The following ROR1 variants were observed in gnomAD, a reference collection of about 807,000 sequenced individuals.
ROR1 encodes the protein ROR family WNT receptor 1.
A neutral mutation model predicts 78.8 loss-of-function variants in ROR1; 19 were observed. That is an observed-to-expected ratio of 0.24 (90% CI 0.17 to 0.35). The LOEUF (loss-of-function observed/expected upper bound fraction) is 0.35, where lower values mean the gene tolerates loss of function less well. Among genes scored for constraint, ROR1 ranks in the 10% least tolerant of loss-of-function variants. ROR1 has a pLI of 1.00. For missense variants in ROR1, 917 were observed against 1,177.8 expected, an observed-to-expected ratio of 0.78 and a Z score of 3.24; for synonymous variants, 386 against 433.6, an observed-to-expected ratio of 0.89 and a Z score of 1.36.
At chr1:63,780,819 G>C (rs1312549572) in intron 1 of ROR1, among the ~76,000 whole-genome samples, 4 of 152,264 alleles carry the variant, frequency 2.6e-5, no homozygotes, top group African/African-American at 9.6e-5. Flanking sequence ...CCCCTCCCAG[G>C]TGCTTAGTGT....
chr1:63,784,729 T>C (rs934460893), intron 1 of ROR1, among the ~76,000 whole-genome samples: 4 of 152,178 alleles, frequency 2.6e-5, no homozygotes, highest in Non-Finnish European at 5.9e-5. Flanking sequence ...GGAGCCATAA[T>C]GGTGCCTACC....
At chr1:64,034,665 C>A (rs2100573752) in intron 2 of ROR1, among the ~76,000 whole-genome samples, 1 of 152,202 alleles carries the variant, frequency 6.6e-6, no homozygotes, top group East Asian at 1.9e-4. Context: ...AGGTAACTAC[C>A]AAGAAGTGCC....
At chr1:64,078,695 A>T (rs1409594914) in intron 4 of ROR1, among the ~76,000 whole-genome samples, 2 of 152,202 alleles carry the variant, frequency 1.3e-5, no homozygotes, top group African/African-American at 4.8e-5. Context: ...CCAAAGACAT[A>T]GACACATTCT....
intron 1 of ROR1, among the ~76,000 whole-genome samples, chr1:63,867,683 C>G (rs182814420): frequency 6.6e-6 from 1 of 152,158 alleles, no homozygotes; most frequent in African/African-American, 2.4e-5. Flanking sequence ...ATGCTGACCT[C>G]GCCGACGAAA....
intron 1 of ROR1, among the ~76,000 whole-genome samples, chr1:63,816,353 G>A (rs1644892154): frequency 6.6e-6 from 1 of 152,172 alleles, no homozygotes; most frequent in African/African-American, 2.4e-5. Flanking sequence ...ATAGGAGCAG[G>A]TCTTTCCCAT....
At chr1:63,878,301 T>G (rs1214558525) in intron 1 of ROR1, among the ~76,000 whole-genome samples, 1 of 152,222 alleles carries the variant, frequency 6.6e-6, no homozygotes, top group Non-Finnish European at 1.5e-5. Flanking sequence ...GCAAGCGTTT[T>G]TATATACCTT....
chr1:63,899,331 C>G (rs917630404), intron 1 of ROR1, among the ~76,000 whole-genome samples: 4 of 152,148 alleles, frequency 2.6e-5, no homozygotes, highest in African/African-American at 9.7e-5. Flanking sequence ...GACCACAAAC[C>G]CAGCACGTTG....
At chr1:63,949,577 C>A (rs138319030) in intron 1 of ROR1, among the ~76,000 whole-genome samples, 148 of 152,260 alleles carry the variant, frequency 9.7e-4, no homozygotes, top group African/African-American at 3.4e-3. Flanking sequence ...TTCCTTTTTA[C>A]GGGTGCTATT....
chr1:63,915,441 TG>T, intron 1 of ROR1, among the ~76,000 whole-genome samples: 1 of 151,848 alleles, frequency 6.6e-6, no homozygotes, highest in South Asian at 2.1e-4. Flanking sequence ...CCTTGAGGAG[TG>T]GGCAGGGTTT....
At chr1:64,038,518 G>A (rs377630465) in intron 2 of ROR1, among the ~76,000 whole-genome samples, 17 of 152,080 alleles carry the variant, frequency 1.1e-4, no homozygotes, top group African/African-American at 1.2e-4. Context: ...GACAGAGGCC[G>A]CATCACCTCT....
At chr1:64,024,010 C>G (rs768286219) in intron 2 of ROR1, among the ~76,000 whole-genome samples, 4 of 152,310 alleles carry the variant, frequency 2.6e-5, no homozygotes, top group African/African-American at 9.6e-5. Flanking sequence ...CAGTTCCTCT[C>G]TCTCTTTCTC....
chr1:63,822,013 A>G (rs970934360), intron 1 of ROR1, among the ~76,000 whole-genome samples: 5 of 152,176 alleles, frequency 3.3e-5, no homozygotes, highest in African/African-American at 9.7e-5. Context: ...TTTTCTTGTG[A>G]TGATAAAAGC....
intron 1 of ROR1, among the ~76,000 whole-genome samples, chr1:63,882,025 T>C (rs1233969193): frequency 5.3e-5 from 8 of 152,132 alleles, no homozygotes; most frequent in African/African-American, 1.9e-4. Flanking sequence ...GAGGGGATCA[T>C]ATAGGATACT....
intron 1 of ROR1, among the ~76,000 whole-genome samples, chr1:63,917,801 C>A (rs191584451): frequency 1.3e-5 from 2 of 152,208 alleles, no homozygotes; most frequent in Admixed American, 1.3e-4. Flanking sequence ...TGCCACCTGC[C>A]CCTGGTGGAG....
intron 1 of ROR1, among the ~76,000 whole-genome samples, chr1:63,776,733 T>C (rs1569684640): frequency 2.6e-5 from 4 of 152,306 alleles, no homozygotes; most frequent in African/African-American, 9.6e-5. Flanking sequence ...TTTCTGAGTA[T>C]AAAACAATAT....
intron 2 of ROR1, among the ~76,000 whole-genome samples, chr1:64,045,091 T>C (rs544749360): frequency 3.2e-4 from 49 of 152,322 alleles, no homozygotes; most frequent in Middle Eastern, 3.4e-3. Context: ...GAAAAGTTTA[T>C]TGATATGATT....
rs1401002640 is a variant in ROR1 at position 63,926,042 on chromosome 1, T to G, written c.92-83263T>G. Among the ~76,000 whole-genome samples the G allele has an allele frequency of 2.1e-4, 32 of 152,156 alleles. No individual in the cohort carries two copies. The East Asian group carries it at 2.3e-3, about 11-fold the overall frequency. On this transcript the variant is annotated intron_variant, in intron 1 of 8. Coordinates refer to ENST00000371079, the MANE Select transcript of ROR1 (RefSeq NM_005012.4). ...AATTAGATCCCATTTGTCAATTTTG[T>G]CTTTTGTTGCCATTGCTTTTGGTGT...
intron 1 of ROR1, among the ~76,000 whole-genome samples, chr1:63,953,596 G>C (rs1351940793): frequency 6.6e-6 from 1 of 152,208 alleles, no homozygotes; most frequent in Non-Finnish European, 1.5e-5. Flanking sequence ...TGTGATTAGA[G>C]AGAATGTGCA....
At chr1:63,915,555 T>C (rs1465493273) in intron 1 of ROR1, among the ~76,000 whole-genome samples, 1 of 152,128 alleles carries the variant, frequency 6.6e-6, no homozygotes, top group African/African-American at 2.4e-5. Flanking sequence ...AGACTAAGGC[T>C]ATCTTAATCA....
Sources: gnomAD v4.1 joint callset for allele counts (sites outside exome capture counted in the v4.1 genomes callset) on GRCh38, gnomAD v4.1.1 for gene constraint, MANE v1.5 for transcripts, NCBI Gene and HGNC (gene_info 2026-07-23, HGNC 2026-07-21) for gene names.